The following RGS6 variants were observed in gnomAD, a reference collection of about 807,000 sequenced individuals.
RGS6 encodes the protein regulator of G protein signaling 6.
In RGS6, 30 loss-of-function variants were observed where a neutral mutation model predicts 78.5. The ratio of observed to expected loss-of-function variants is 0.38; its 90% CI spans 0.29 to 0.52. The LOEUF is 0.52. RGS6 is among the 20% of genes least tolerant of loss of function. The pLI is 0.85. For synonymous variants in RGS6, 206 were observed against 206.0 expected (o/e 1.00, Z 0.00); for missense variants, 495 against 609.7 (o/e 0.81, Z 1.98).
chr14:71,926,087 A>G, the RGS6 span, among the ~76,000 whole-genome samples: 1 of 152,204 alleles, frequency 6.6e-6, no homozygotes, highest in South Asian at 2.1e-4. Flanking sequence ...TGTATATGCT[A>G]CCCAAAGTGA....
Position 72,541,704 on chromosome 14 carries a change from C to T in RGS6, c.1422+1610C>T, listed in dbSNP as rs570583785. Reference sequence around the variant, plus strand: ...GGAGGATGGTTAGGGATTTTGCTGACAAGCCAAGGGTGCCTGTGTAAGCAG... The same window carrying T: ...GGAGGATGGTTAGGGATTTTGCTGATAAGCCAAGGGTGCCTGTGTAAGCAG... On this transcript the variant is annotated intron_variant, in intron 17 of 17. Transcript: ENST00000553525. 5.1e-4 allele frequency: 731 copies of T among 1,433,250 alleles called. 15 individuals carry two copies. In the South Asian group the frequency reaches 6.7e-3, roughly 13 times the overall value. The allele number at this position is 1,433,250 out of a possible 1,614,324, so 88.8% of individuals were successfully genotyped here. A position where few individuals can be genotyped will look rare whatever the true frequency, so the allele number is the denominator to read the frequency against.
intron 3 of RGS6, among the ~76,000 whole-genome samples, chr14:72,387,783 TG>T (rs1482416332): frequency 2.6e-5 from 4 of 152,198 alleles, no homozygotes; most frequent in Non-Finnish European, 4.4e-5. Flanking sequence ...ACAGACCAGA[TG>T]GTTTAAACAA....
At position 72,534,870 on chromosome 14, in the gene RGS6, C is replaced by T. The variant is rs146700354; in HGVS notation, c.1279-1316C>T. ...TCCTCCCTGACCAGCTCTCCATCCC[C>T]CTCACCACTAGGGCCTTTGTCTGGC... is the stretch of plus-strand genomic sequence containing the variant. On this transcript the variant is annotated intron_variant, in intron 15 of 17. Transcript: ENST00000553525. Among the ~76,000 whole-genome samples the T allele has an allele frequency of 1.1e-4, 16 of 152,280 alleles. No individual in the cohort carries two copies. In the East Asian group the frequency reaches 3.1e-3, roughly 29 times the overall value.
At chr14:72,587,530 A>G in the RGS6 span, among the ~76,000 whole-genome samples, 2 of 152,194 alleles carry the variant, frequency 1.3e-5, no homozygotes, top group Non-Finnish European at 2.9e-5. Flanking sequence ...ATAACTTATA[A>G]TAAATTCCTT....
chr14:72,167,100 C>A (rs111805943), intron 2 of RGS6, among the ~76,000 whole-genome samples: 1 of 152,164 alleles, frequency 6.6e-6, no homozygotes. Context: ...GATGAGGCTA[C>A]GCTCAAGTAT....
intron 1 of RGS6, among the ~76,000 whole-genome samples, chr14:71,943,823 T>G (rs1249209913): frequency 1.3e-5 from 2 of 152,194 alleles, no homozygotes; most frequent in Non-Finnish European, 2.9e-5. Flanking sequence ...GCTGAGTTAT[T>G]GAGTTGCAGA....
At chr14:72,340,970 G>A (rs1022406402) in intron 2 of RGS6, among the ~76,000 whole-genome samples, 3 of 152,126 alleles carry the variant, frequency 2.0e-5, no homozygotes, top group African/African-American at 4.8e-5. Flanking sequence ...TGTGGCTCTC[G>A]TGACTGGAGC....
intron 2 of RGS6, among the ~76,000 whole-genome samples, chr14:72,333,985 C>G (rs144193495): frequency 0.019 from 2,926 of 152,310 alleles, 104 homozygotes; most frequent in African/African-American, 0.065. Flanking sequence ...TTGTCTCTCT[C>G]TCTTTGCTGC....
Position 72,178,138 on chromosome 14 carries a change from C to T in RGS6, c.85-173957C>T, listed in dbSNP as rs115598957. ...TCAGGATGGACATAGGTTGGTGGAC[C>T]ATTTTCTTCCAGTCATTCATTCATT... On this transcript the variant is annotated intron_variant, in intron 2 of 17. Transcript: ENST00000553525. Among the ~76,000 whole-genome samples, 565 of 152,314 alleles carry T rather than the reference C, an allele frequency of 3.7e-3. 3 individuals are homozygous for T. The highest frequency in any genetic ancestry group is 0.012 in the African/African-American group (484 of 41,572).
intron 2 of RGS6, among the ~76,000 whole-genome samples, chr14:72,134,250 G>A (rs997560781): frequency 1.6e-4 from 24 of 152,082 alleles, no homozygotes; most frequent in African/African-American, 5.3e-4. Flanking sequence ...TGGAAGAAGA[G>A]GTATTCCTAT....
chr14:72,489,080 T>C (rs1484238398), intron 12 of RGS6, among the ~76,000 whole-genome samples: 2 of 152,226 alleles, frequency 1.3e-5, no homozygotes, highest in Admixed American at 1.3e-4. Flanking sequence ...TGGATGTCTT[T>C]TATTTGAGAT....
At chr14:71,972,020 T>C (rs1373584992) in intron 2 of RGS6, among the ~76,000 whole-genome samples, 1 of 151,998 alleles carries the variant, frequency 6.6e-6, no homozygotes, top group Non-Finnish European at 1.5e-5. Context: ...TTTTTCTTTA[T>C]TATACTTTAA....
the RGS6 span, among the ~76,000 whole-genome samples, chr14:72,574,390 C>T: frequency 6.6e-6 from 1 of 152,176 alleles, no homozygotes; most frequent in East Asian, 1.9e-4. Flanking sequence ...GAGTGACCAC[C>T]CCAGCAACTG....
chr14:72,016,039 G>C (rs1451779833), intron 2 of RGS6, among the ~76,000 whole-genome samples: 3 of 152,108 alleles, frequency 2.0e-5, no homozygotes, highest in South Asian at 4.1e-4. Context: ...TAATTAAACA[G>C]CCGTGCTAAA....
intron 2 of RGS6, among the ~76,000 whole-genome samples, chr14:72,341,399 A>G (rs2076965185): frequency 6.6e-6 from 1 of 152,204 alleles, no homozygotes; most frequent in African/African-American, 2.4e-5. Flanking sequence ...GGGGATTACA[A>G]TTCAACATGA....
intron 2 of RGS6, among the ~76,000 whole-genome samples, chr14:72,062,784 A>T (rs975016119): frequency 6.6e-6 from 1 of 152,156 alleles, no homozygotes; most frequent in Non-Finnish European, 1.5e-5. Context: ...TGGTCATTCA[A>T]TGGATAGGTG....
intron 2 of RGS6, among the ~76,000 whole-genome samples, chr14:72,250,229 T>C (rs2055340289): frequency 6.6e-6 from 1 of 150,524 alleles, no homozygotes; most frequent in Admixed American, 6.6e-5. Flanking sequence ...ACCCTAAAAC[T>C]TAAACTATAA....
chr14:72,426,770 G>C (rs1006830814), intron 3 of RGS6, among the ~76,000 whole-genome samples: 1 of 152,202 alleles, frequency 6.6e-6, no homozygotes, highest in Non-Finnish European at 1.5e-5. Flanking sequence ...GCAAGATTTT[G>C]AGGGCTGATC....
At chr14:72,023,899 G>T (rs146511994) in intron 2 of RGS6, among the ~76,000 whole-genome samples, 4 of 152,178 alleles carry the variant, frequency 2.6e-5, no homozygotes, top group African/African-American at 4.8e-5. Context: ...AGGTGGAACC[G>T]CAGAGGGCTT....
Sources: gnomAD v4.1 joint callset for allele counts (sites outside exome capture counted in the v4.1 genomes callset) on GRCh38, gnomAD v4.1.1 for gene constraint, MANE v1.5 for transcripts, NCBI Gene and HGNC (gene_info 2026-07-23, HGNC 2026-07-21) for gene names.